ARHGEF4: variants seen among roughly 807,000 people sequenced by gnomAD.
The protein encoded by ARHGEF4 is APC-stimulated guanine nucleotide exchange factor 1.
A neutral mutation model predicts 162.0 loss-of-function variants in ARHGEF4; 119 were observed. The observed-to-expected ratio is 0.73, with a 90% CI of 0.63 to 0.86. ARHGEF4 has a LOEUF of 0.86. Ranked by LOEUF, ARHGEF4 falls within the 40% of genes least tolerant of loss-of-function variation. The pLI is 0.00. For synonymous variants in ARHGEF4, 1,014 were observed against 979.9 expected (o/e 1.03, Z -0.65); for missense variants, 2,488 against 2,456.0 (o/e 1.01, Z -0.28).
rs181329558 is a variant in ARHGEF4, at chr2:131,035,680, C to A, written c.4126-3173C>A. 2.7e-4 allele frequency: 262 copies of A among 986,670 alleles called. 2 individuals carry two copies. The Admixed American group carries it at 3.6e-3, about 13-fold the overall frequency. 61.1% of individuals were successfully genotyped at this position (986,670 alleles called of 1,614,324 possible). ...CCCCGGGCACCGCTGCGCATGTTACCTGCAGTTGTTTTTCCCGTTTTAGGC... is the reference window on the plus strand; with the variant it reads ...CCCCGGGCACCGCTGCGCATGTTACATGCAGTTGTTTTTCCCGTTTTAGGC... On this transcript the variant is annotated intron_variant, in intron 5 of 13. Coordinates refer to ENST00000409359, the MANE Select transcript of ARHGEF4 (RefSeq NM_001367493.1).
Position 131,044,307 on chromosome 2 carries a change from C to T in ARHGEF4, c.5166C>T (p.Leu1722=), listed in dbSNP as rs772552476. ...HQLIYCKKDL[L]RRDVLYYKGR... is the part of the protein sequence containing the mutation. ...AGGCCAGCATCTGGCAGGACCTGCT[C>T]CGCCGCGACGTGTTGTACTACAAGG... The change falls in exon 12 of 14, where the codon CTC becomes CTT. Residue 1722 remains leucine (L), a synonymous_variant. Transcript: ENST00000409359. 56 of 1,610,386 alleles carry T rather than the reference C, an allele frequency of 3.5e-5. No homozygotes were observed. The Middle Eastern group carries it at 8.2e-4, about 24-fold the overall frequency.
intron 1 of ARHGEF4, among the ~76,000 whole-genome samples, chr2:130,856,180 G>T (rs1559003639): frequency 6.6e-6 from 1 of 152,198 alleles, no homozygotes; most frequent in Non-Finnish European, 1.5e-5. Context: ...TATTGTTAAA[G>T]ATATGGAAAA....
At chr2:130,889,083 C>T (rs1462248870) in intron 1 of ARHGEF4, among the ~76,000 whole-genome samples, 2 of 137,120 alleles carry the variant, frequency 1.5e-5, no homozygotes, top group Non-Finnish European at 3.1e-5. Flanking sequence ...CCGGCCTGGG[C>T]AACAAGAACA....
chr2:130,881,384 T>C (rs1254410678), intron 1 of ARHGEF4, among the ~76,000 whole-genome samples: 2 of 152,128 alleles, frequency 1.3e-5, no homozygotes, highest in Admixed American at 6.6e-5. Flanking sequence ...GATGTTGAAA[T>C]TGCCAAGGTT....
intron 5 of ARHGEF4, among the ~76,000 whole-genome samples, chr2:131,034,775 G>A (rs895402813): frequency 6.6e-6 from 1 of 152,176 alleles, no homozygotes; most frequent in Non-Finnish European, 1.5e-5. Context: ...GGCCAGGACT[G>A]CTGTGCCGGC....
At chr2:130,902,494 T>A (rs1553509825) in intron 1 of ARHGEF4, among the ~76,000 whole-genome samples, 1 of 149,662 alleles carries the variant, frequency 6.7e-6, no homozygotes, top group Admixed American at 6.7e-5. Flanking sequence ...CTCGGGAGGC[T>A]GTGGTGGGAG....
intron 3 of ARHGEF4, among the ~76,000 whole-genome samples, chr2:130,936,911 T>C (rs545253214): frequency 8.5e-5 from 12 of 141,848 alleles, no homozygotes; most frequent in African/African-American, 3.1e-4. Context: ...TTTTCTTTTT[T>C]TTTTTTTTTT....
At chr2:130,901,675 C>T (rs1367920290) in intron 1 of ARHGEF4, among the ~76,000 whole-genome samples, 2 of 152,074 alleles carry the variant, frequency 1.3e-5, no homozygotes, top group African/African-American at 4.8e-5. Flanking sequence ...CGCCTGCCAC[C>T]ACACCCGGCT....
intron 5 of ARHGEF4, chr2:131,035,154 G>A: frequency 8.2e-7 from 1 of 1,212,888 alleles, no homozygotes; most frequent in African/African-American, 1.6e-5. Context: ...TGCGCGCCCT[G>A]CTGCGCTGCA....
Position 131,016,155 on chromosome 2 carries a change from C to G in ARHGEF4, c.3986-11790C>G, listed in dbSNP as rs143174558. Among the ~76,000 whole-genome samples the G allele has an allele frequency of 9.4e-3, 1,434 of 152,268 alleles. 13 individuals are homozygous for G. Among genetic ancestry groups the G allele is most frequent in the Admixed American group, 0.015 (223 of 15,300 alleles). On this transcript the variant is annotated intron_variant, in intron 4 of 13. Transcript: ENST00000409359. ...CTGTTGCCTGGAACACTCTTCACCC[C>G]CCTTGCTACCCTGACACCTCCCAAC...
At position 130,882,582 on chromosome 2, in the gene ARHGEF4, T is replaced by C. The variant is rs78717879; in HGVS notation, c.40-31404T>C. 2.4e-3 allele frequency among the ~76,000 whole-genome samples: 363 copies of C among 152,018 alleles called. 6 individuals are homozygous for C. The highest frequency in any genetic ancestry group is 8.4e-3 in the African/African-American group (348 of 41,376). ...AATACCCTCACCTTGGAAGTTAGGA[T>C]TTCAACATATGAACTTGGGGGAAGG... On this transcript the variant is annotated intron_variant, in intron 1 of 13. Transcript: ENST00000409359.
intron 4 of ARHGEF4, among the ~76,000 whole-genome samples, chr2:131,009,266 GT>G (rs1390158415): frequency 6.6e-6 from 1 of 152,142 alleles, no homozygotes; most frequent in East Asian, 1.9e-4. Context: ...TGAGTTGACA[GT>G]TTTTTTCTTT....
intron 4 of ARHGEF4, among the ~76,000 whole-genome samples, chr2:130,954,963 AT>A (rs35253583): frequency 6.7e-6 from 1 of 149,106 alleles, no homozygotes; most frequent in African/African-American, 2.5e-5. Context: ...GGCTTTGTTC[AT>A]TTTTTTTTCA....
At chr2:130,844,899 A>G (rs1436543660) in intron 1 of ARHGEF4, among the ~76,000 whole-genome samples, 1 of 151,712 alleles carries the variant, frequency 6.6e-6, no homozygotes, top group Non-Finnish European at 1.5e-5. Context: ...ATCTCATCTC[A>G]TTGCAACCTC....
intron 4 of ARHGEF4, among the ~76,000 whole-genome samples, chr2:130,999,399 G>A (rs542157125): frequency 2.1e-4 from 32 of 152,028 alleles, no homozygotes; most frequent in South Asian, 4.1e-4. Flanking sequence ...CTTGTGATCC[G>A]CCCGCCTTGG....
In ARHGEF4 at chr2:130,871,448, A is replaced by C. The variant is rs2104933010; in HGVS notation, c.39+34456A>C. 2.6e-5 allele frequency among the ~76,000 whole-genome samples: 4 copies of C among 152,104 alleles called. 1 individual carries two copies. In the Middle Eastern group the frequency reaches 0.014, roughly 517 times the overall value. ...CTACTCGGGAGACTGAGGCAGGAGA[A>C]TTGCTTGAACCCGGGAGGCAGAGGT... On this transcript the variant is annotated intron_variant, in intron 1 of 13. Coordinates refer to ENST00000409359, the MANE Select transcript of ARHGEF4 (RefSeq NM_001367493.1).
intron 4 of ARHGEF4, among the ~76,000 whole-genome samples, chr2:130,987,694 G>A (rs1686615970): frequency 6.6e-6 from 1 of 152,190 alleles, no homozygotes; most frequent in Admixed American, 6.5e-5. Context: ...AGGAAGTCCA[G>A]CTGGCATCAC....
intron 1 of ARHGEF4, among the ~76,000 whole-genome samples, chr2:130,854,033 T>C (rs1222732036): frequency 2.0e-5 from 3 of 152,158 alleles, no homozygotes; most frequent in Admixed American, 6.5e-5. Context: ...GCTCACCTCA[T>C]AGGGTCACTG....
chr2:131,042,065 A>C, intron 10 of ARHGEF4, 121 bp downstream of exon 10: 1 of 1,363,862 alleles, frequency 7.3e-7, no homozygotes, highest in Non-Finnish European at 9.8e-7. Context: ...GGGAGCTAGC[A>C]ACAGATGCTC....
Sources: gnomAD v4.1 joint callset for allele counts (sites outside exome capture counted in the v4.1 genomes callset) on GRCh38, gnomAD v4.1.1 for gene constraint, MANE v1.5 for transcripts, NCBI Gene and HGNC (gene_info 2026-07-23, HGNC 2026-07-21) for gene names.